The following MILR1 variants were observed in gnomAD, a reference collection of about 807,000 sequenced individuals.
MILR1 encodes the protein allergin-1.
Under a neutral mutation model 18.5 loss-of-function variants are expected in MILR1, and 31 were observed. The observed-to-expected ratio is 1.68, with a 90% confidence interval of 1.26 to 2.26. MILR1 has a LOEUF of 2.26. Ranked by LOEUF, MILR1 falls within the 30% of genes most tolerant of loss-of-function variation. MILR1 has a pLI of 0.00. For missense variants in MILR1, 257 were observed against 157.4 expected, an observed-to-expected ratio of 1.63 and a Z score of -3.38; for synonymous variants, 85 against 56.2, an observed-to-expected ratio of 1.51 and a Z score of -2.30.
the MILR1 span, among the ~76,000 whole-genome samples, chr17:64,476,003 C>T: frequency 6.6e-6 from 1 of 151,668 alleles, no homozygotes; most frequent in East Asian, 1.9e-4. Context: ...TTAGTAGTTT[C>T]ACCATGTTGG....
intron 2 of MILR1, 58 bp from the exon 3 acceptor site, chr17:64,452,539 C>T (rs2037197742): frequency 4.8e-6 from 2 of 412,408 alleles, no homozygotes; most frequent in Non-Finnish European, 4.4e-6. Flanking sequence ...AGGCGTGAAC[C>T]ACCTTGCCCG....
At chr17:64,452,097 T>G (rs1287280494) in intron 2 of MILR1, among the ~76,000 whole-genome samples, 1 of 148,786 alleles carries the variant, frequency 6.7e-6, no homozygotes, top group Non-Finnish European at 1.5e-5. Flanking sequence ...TTTTTTTTTT[T>G]GTTCTGTTTT....
chr17:64,496,775 C>A, the MILR1 span: 2 of 1,613,962 alleles, frequency 1.2e-6, no homozygotes, highest in Non-Finnish European at 1.7e-6. Flanking sequence ...CGCCTCGCTT[C>A]CCTCTCCAGA....
intron 4 of MILR1, among the ~76,000 whole-genome samples, chr17:64,458,084 C>T (rs1454894781): frequency 6.6e-6 from 1 of 152,122 alleles, no homozygotes; most frequent in Non-Finnish European, 1.5e-5. Context: ...TTTGTTTTTT[C>T]ATCATTTGTA....
At chr17:64,490,914 C>T in the MILR1 span, 54 of 1,613,638 alleles carry the variant, frequency 3.3e-5, no homozygotes, top group Non-Finnish European at 4.1e-5. Context: ...GTTTCCTTTC[C>T]GGCCTTCTTC....
chr17:64,491,904 A>T, the MILR1 span: 1 of 200,616 alleles, frequency 5.0e-6, no homozygotes. Context: ...TAACCTCCAA[A>T]TAAAAGATGA....
chr17:64,472,992 T>A (rs1301034847), downstream of MILR1, among the ~76,000 whole-genome samples: 1 of 152,084 alleles, frequency 6.6e-6, no homozygotes, highest in African/African-American at 2.4e-5. Flanking sequence ...GCTGCAAACA[T>A]GTGTGGTCGA....
chr17:64,497,326 A>G, the MILR1 span, among the ~76,000 whole-genome samples: 2 of 152,270 alleles, frequency 1.3e-5, no homozygotes, highest in African/African-American at 2.4e-5. Context: ...TTTGCAGTCC[A>G]GAAAATTAAA....
downstream of MILR1, among the ~76,000 whole-genome samples, chr17:64,469,899 A>G (rs1322475101): frequency 6.6e-6 from 1 of 152,146 alleles, no homozygotes; most frequent in Non-Finnish European, 1.5e-5. Context: ...TTATTAAGCT[A>G]TAGGGGAGAC....
chr17:64,497,174 T>A, the MILR1 span: 2 of 645,444 alleles, frequency 3.1e-6, no homozygotes, highest in Admixed American at 4.6e-5. Flanking sequence ...CCGGCTCGGA[T>A]GGTTCTCTGC....
intron 3 of MILR1, among the ~76,000 whole-genome samples, chr17:64,455,711 C>T (rs950599816): frequency 4.0e-5 from 6 of 151,362 alleles, no homozygotes; most frequent in Admixed American, 6.6e-5. Flanking sequence ...CTGCCCACCT[C>T]GGCCTCCCAA....
chr17:64,449,392 T>A lies in MILR1; in HGVS notation c.97+37T>A, dbSNP rs1328986336. The A allele has an allele frequency of 9.1e-6, 4 of 441,556 alleles. No homozygotes were observed. In the Admixed American group the frequency reaches 1.6e-4, roughly 17 times the overall value. The allele number at this position is 441,556 out of a possible 1,614,324, so 27.4% of individuals were successfully genotyped here. A position where few individuals can be genotyped will look rare whatever the true frequency, so the allele number is the denominator to read the frequency against. ...TTACTTCTTTCTTATTGAAACCATT[T>A]TCACTGAAGTGGTGAGACAGTCTGA... On this transcript the variant is annotated intron_variant, in intron 2 of 9. Transcript: ENST00000619286.
chr17:64,484,482 G>A, the MILR1 span, among the ~76,000 whole-genome samples: 2 of 152,152 alleles, frequency 1.3e-5, no homozygotes, highest in Non-Finnish European at 2.9e-5. Flanking sequence ...TGAGTGAGAT[G>A]AGAAGCTTTC....
At chr17:64,472,659 T>C (rs1325778512), downstream of MILR1, among the ~76,000 whole-genome samples, 1 of 152,014 alleles carries the variant, frequency 6.6e-6, no homozygotes, top group East Asian at 1.9e-4. Context: ...ACCATTGTGC[T>C]ACAATTGCCT....
rs943724004 is a variant in MILR1, at chr17:64,452,651, A to G, written c.152A>G (p.Asn51Ser). 132 of 455,690 alleles carry G rather than the reference A, an allele frequency of 2.9e-4. 3 individuals are homozygous for G. The South Asian group carries it at 9.6e-3, about 33-fold the overall frequency. The allele number at this position is 455,690 out of a possible 1,614,324, so 28.2% of individuals were successfully genotyped here. ...SKTKVVMKGQ[N>S]VSMFCSHKNK... is the part of the protein sequence containing the mutation. ...ACTAAGGTGGTTATGAAGGGTCAAA[A>G]TGTATCTATGTTTTGTTCCCATAAG... Residue 51 changes from asparagine (N) to serine (S), a missense_variant, in exon 3 of 10, where the codon AAT (asparagine) becomes AGT (serine). Coordinates refer to ENST00000619286, the MANE Select transcript of MILR1 (RefSeq NM_001085423.2).
chr17:64,486,130 C>A, the MILR1 span, among the ~76,000 whole-genome samples: 2 of 152,168 alleles, frequency 1.3e-5, no homozygotes, highest in Non-Finnish European at 2.9e-5. Flanking sequence ...CTGTGGTAGG[C>A]ACTGGGCCCA....
At chr17:64,494,388 T>C in the MILR1 span, among the ~76,000 whole-genome samples, 1 of 151,954 alleles carries the variant, frequency 6.6e-6, no homozygotes, top group Non-Finnish European at 1.5e-5. Flanking sequence ...AGGTAGTAAA[T>C]ATCCACTCCC....
chr17:64,483,036 A>G, the MILR1 span: 1 of 1,013,836 alleles, frequency 9.9e-7, no homozygotes, highest in Non-Finnish European at 1.6e-6. Flanking sequence ...AAGACAGGAA[A>G]GGGGAAAAAG....
chr17:64,480,327 C>A, the MILR1 span: 1 of 1,598,820 alleles, frequency 6.3e-7, no homozygotes, highest in South Asian at 1.1e-5. Context: ...GCATAGTTTC[C>A]AAATAACCAG....
Sources: gnomAD v4.1 joint callset for allele counts (sites outside exome capture counted in the v4.1 genomes callset) on GRCh38, gnomAD v4.1.1 for gene constraint, MANE v1.5 for transcripts, NCBI Gene and HGNC (gene_info 2026-07-23, HGNC 2026-07-21) for gene names.